Variants in ERBB4 observed in about 807,000 individuals in gnomAD.
ERBB4 encodes receptor tyrosine-protein kinase erbB-4.
ERBB4 carries 42 observed loss-of-function variants against 158.0 expected under a neutral mutation model. The ratio of observed to expected loss-of-function variants is 0.27; its 90% CI spans 0.21 to 0.34. ERBB4 has a LOEUF of 0.34. Among genes scored for constraint, ERBB4 ranks in the 10% least tolerant of loss-of-function variants. ERBB4 has a pLI of 1.00. For synonymous variants in ERBB4, 583 were observed against 558.7 expected (o/e 1.04, Z -0.61); for missense variants, 1,333 against 1,624.1 (o/e 0.82, Z 3.08).
chr2:212,352,407 C>T (rs1283883792), intron 1 of ERBB4, among the ~76,000 whole-genome samples: 1 of 149,636 alleles, frequency 6.7e-6, no homozygotes, highest in Non-Finnish European at 1.5e-5. Flanking sequence ...TCTTGACCAA[C>T]AGACCAGAAG....
intron 1 of ERBB4, among the ~76,000 whole-genome samples, chr2:212,259,538 T>C (rs191684677): frequency 2.6e-5 from 4 of 152,328 alleles, no homozygotes; most frequent in African/African-American, 9.6e-5. Flanking sequence ...ATACAATATA[T>C]ATTATAACTA....
chr2:211,789,998 A>T (rs1334060331), intron 3 of ERBB4, among the ~76,000 whole-genome samples: 1 of 152,128 alleles, frequency 6.6e-6, no homozygotes, highest in Non-Finnish European at 1.5e-5. Context: ...AGGAAAAAAA[A>T]AGAAAAGAAA....
At chr2:211,518,844 G>A (rs1346025078) in intron 20 of ERBB4, among the ~76,000 whole-genome samples, 1 of 152,030 alleles carries the variant, frequency 6.6e-6, no homozygotes, top group Non-Finnish European at 1.5e-5. Context: ...CTTAAATTTT[G>A]AAAATACAGG....
At chr2:212,147,850 A>C (rs777421242) in intron 1 of ERBB4, among the ~76,000 whole-genome samples, 7 of 152,136 alleles carry the variant, frequency 4.6e-5, no homozygotes, top group Non-Finnish European at 7.4e-5. Context: ...AAGTTTCTTC[A>C]TATTTGCAAT....
intron 3 of ERBB4, among the ~76,000 whole-genome samples, chr2:211,810,325 A>T (rs2076720601): frequency 6.6e-6 from 1 of 152,150 alleles, no homozygotes; most frequent in African/African-American, 2.4e-5. Flanking sequence ...GTGGGAGTCT[A>T]AGTCTCTTTG....
intron 3 of ERBB4, among the ~76,000 whole-genome samples, chr2:211,925,904 C>T (rs114972536): frequency 0.047 from 7,146 of 152,000 alleles, 227 homozygotes; most frequent in Middle Eastern, 0.095. Context: ...ACATAATATT[C>T]TGTATTTAAC....
rs184392481 is a variant in ERBB4, at chr2:212,480,035, T to C, written c.82+58414A>G. The stretch of plus-strand genomic sequence containing the variant: ...TTTGAACTTCTCAATTAAAGCACCA[T>C]TAAATTCTCACTTTTAACTCTTGTG... On this transcript the variant is annotated intron_variant, in intron 1 of 27. Coordinates refer to ENST00000342788, the MANE Select transcript of ERBB4 (RefSeq NM_005235.3). Among the ~76,000 whole-genome samples, 6 of 152,312 alleles carry C rather than the reference T, an allele frequency of 3.9e-5. No individual in the cohort carries two copies. The East Asian group carries it at 1.2e-3, about 29-fold the overall frequency.
chr2:212,066,541 A>G (rs186717032), intron 2 of ERBB4, among the ~76,000 whole-genome samples: 228 of 152,172 alleles, frequency 1.5e-3, no homozygotes, highest in Non-Finnish European at 1.9e-3. Flanking sequence ...TGAATATGTT[A>G]TTAATATGTG....
chr2:211,772,864 T>C (rs1161025842), intron 4 of ERBB4, among the ~76,000 whole-genome samples: 5,068 of 71,258 alleles, frequency 0.071, 566 homozygotes, highest in South Asian at 0.21. Flanking sequence ...TATATATATA[T>C]ATATACACAT....
intron 3 of ERBB4, among the ~76,000 whole-genome samples, chr2:211,915,435 T>TTATATATATATATATATATATATA (rs1289522405): frequency 1.2e-4 from 16 of 135,522 alleles, no homozygotes; most frequent in South Asian, 2.3e-4. Context: ...AGTTCAAACA[T>TTATATATATATATATATATATATA]TACATATATA....
rs190278660 is a variant in ERBB4 at position 212,320,393 on chromosome 2, T to C, written c.83-195490A>G. On this transcript the variant is annotated intron_variant, in intron 1 of 27. Coordinates refer to ENST00000342788, the MANE Select transcript of ERBB4 (RefSeq NM_005235.3). ...TAAAGCATTTAGAGAAAATGTACTC[T>C]GATCCTCCAGTTCCTGATCACGTTC... 2.9e-3 allele frequency among the ~76,000 whole-genome samples: 436 copies of C among 149,184 alleles called. 7 individuals are homozygous for C. The highest frequency in any genetic ancestry group is 9.7e-3 in the African/African-American group (401 of 41,176).
intron 1 of ERBB4, among the ~76,000 whole-genome samples, chr2:212,476,228 G>T (rs1267643274): frequency 6.6e-6 from 1 of 151,372 alleles, no homozygotes; most frequent in African/African-American, 2.4e-5. Context: ...AGCTGACTTT[G>T]TAATTTATAA....
chr2:211,771,251 C>T (rs556657783), intron 4 of ERBB4, among the ~76,000 whole-genome samples: 1 of 152,210 alleles, frequency 6.6e-6, no homozygotes, highest in Non-Finnish European at 1.5e-5. Context: ...CTTGGCCTTT[C>T]GTGCTAGTGC....
chr2:212,327,078 C>G (rs572214416), intron 1 of ERBB4, among the ~76,000 whole-genome samples: 1 of 150,536 alleles, frequency 6.6e-6, no homozygotes, highest in South Asian at 2.1e-4. Context: ...TTTGTAAATA[C>G]TGATGATACC....
At chr2:211,465,016 C>T (rs552100619) in intron 20 of ERBB4, among the ~76,000 whole-genome samples, 2 of 149,674 alleles carry the variant, frequency 1.3e-5, no homozygotes, top group South Asian at 4.2e-4. Context: ...TCTTCCTCTG[C>T]TACCCAGGCT....
intron 1 of ERBB4, among the ~76,000 whole-genome samples, chr2:212,365,547 C>A (rs2089856857): frequency 6.6e-6 from 1 of 151,716 alleles, no homozygotes; most frequent in Non-Finnish European, 1.5e-5. Flanking sequence ...CTGAGAAAAA[C>A]TTTACAACTT....
chr2:212,082,142 G>T (rs1343191534), intron 2 of ERBB4, among the ~76,000 whole-genome samples: 1 of 152,052 alleles, frequency 6.6e-6, no homozygotes, highest in Non-Finnish European at 1.5e-5. Context: ...TCTTGAAAGA[G>T]AATTTTATCA....
chr2:211,621,088 C>T (rs555629205), intron 18 of ERBB4, among the ~76,000 whole-genome samples: 1 of 151,986 alleles, frequency 6.6e-6, no homozygotes, highest in Admixed American at 6.6e-5. Context: ...GCCCTCCACC[C>T]TGGCCTACAG....
intron 1 of ERBB4, among the ~76,000 whole-genome samples, chr2:212,352,193 G>T (rs1318753273): frequency 6.6e-6 from 1 of 151,830 alleles, no homozygotes; most frequent in Non-Finnish European, 1.5e-5. Flanking sequence ...GGAGGGAGAG[G>T]ATCAGAAAAG....
Sources: allele counts gnomAD v4.1 joint callset (sites outside exome capture counted in the v4.1 genomes callset), GRCh38; gene constraint gnomAD v4.1.1; transcripts MANE v1.5; gene names NCBI Gene and HGNC (gene_info 2026-07-23, HGNC 2026-07-21).